The following ORC2 variants were observed in gnomAD, a reference collection of about 807,000 sequenced individuals.
The protein encoded by ORC2 is origin recognition complex subunit 2.
Under a neutral mutation model 77.7 loss-of-function variants are expected in ORC2, and 37 were observed. That is an observed-to-expected ratio of 0.48 (90% confidence interval 0.37 to 0.63). The LOEUF (loss-of-function observed/expected upper bound fraction) is 0.63, where lower values mean the gene tolerates loss of function less well. ORC2 is among the 20% of genes least tolerant of loss of function. The probability of loss-of-function intolerance (pLI) is 0.00; values close to 1 mark genes in which losing one functional copy is unlikely to be tolerated. For synonymous variants in ORC2, 201 were observed against 229.5 expected (o/e 0.88, Z 1.12); for missense variants, 557 against 661.9 (o/e 0.84, Z 1.74).
At chr2:200,945,926 T>C (rs2041242197) in intron 5 of ORC2, among the ~76,000 whole-genome samples, 1 of 152,178 alleles carries the variant, frequency 6.6e-6, no homozygotes, top group Non-Finnish European at 1.5e-5. Context: ...TATCTAGTAG[T>C]GGGATTGCTG....
chr2:200,958,574 C>T (rs2041515066), intron 2 of ORC2, among the ~76,000 whole-genome samples: 1 of 152,130 alleles, frequency 6.6e-6, no homozygotes, highest in Non-Finnish European at 1.5e-5. Context: ...AAGCTACAGT[C>T]AATTGTGGGG....
chr2:200,920,701 A>G (rs548681571), intron 14 of ORC2, among the ~76,000 whole-genome samples: 1 of 152,348 alleles, frequency 6.6e-6, no homozygotes, highest in South Asian at 2.1e-4. Flanking sequence ...AATTAAGTTC[A>G]TAAAATAAAT....
Position 200,910,015 on chromosome 2 carries a change from G to C in ORC2, c.*1286C>G, listed in dbSNP as rs2040523840. 1 of 152,068 alleles carries C rather than the reference G, an allele frequency of 6.6e-6. No homozygotes were observed. Among genetic ancestry groups the C allele is most frequent in the Non-Finnish European group, 1.5e-5 (1 of 68,022 alleles). 9.4% of individuals were successfully genotyped at this position (152,068 alleles called of 1,614,324 possible). On this transcript the variant is annotated 3_prime_UTR_variant, in exon 18 of 18. Coordinates refer to ENST00000234296, the MANE Select transcript of ORC2 (RefSeq NM_006190.5). Reference sequence around the variant, plus strand: ...TGGGCTCCAGAGATCCTCCTGCCTTGGCCTCCCAAAGTGTTGTGATTACAG... The same window carrying C: ...TGGGCTCCAGAGATCCTCCTGCCTTCGCCTCCCAAAGTGTTGTGATTACAG...
chr2:200,933,471 C>G (rs905489205), intron 10 of ORC2, among the ~76,000 whole-genome samples: 11 of 152,096 alleles, frequency 7.2e-5, no homozygotes, highest in Non-Finnish European at 1.2e-4. Flanking sequence ...TATCAAGGAA[C>G]TATGACCCTG....
intron 15 of ORC2, among the ~76,000 whole-genome samples, chr2:200,919,531 G>C (rs2040720138): frequency 6.6e-6 from 1 of 152,108 alleles, no homozygotes; most frequent in African/African-American, 2.4e-5. Flanking sequence ...GCTAATTTTT[G>C]TATTTTTGGT....
chr2:200,937,994 TA>T, intron 7 of ORC2, 28 bp from the exon 8 acceptor site: 3 of 1,496,406 alleles, frequency 2.0e-6, no homozygotes, highest in Non-Finnish European at 2.8e-6. Flanking sequence ...AAGCATTAAA[TA>T]ATAACATGGA....
chr2:200,942,864 T>G (rs1185222296), intron 5 of ORC2, 87 bp from the exon 6 acceptor site: 9 of 669,148 alleles, frequency 1.3e-5, no homozygotes, highest in Non-Finnish European at 2.2e-5. Flanking sequence ...CAAAAATTCT[T>G]TAAAAACCTC....
At position 200,922,136 on chromosome 2, in the gene ORC2, A is replaced by C. The variant is rs542502180; in HGVS notation, c.1148-997T>G. Among the ~76,000 whole-genome samples, 11 of 115,688 alleles carry C rather than the reference A, an allele frequency of 9.5e-5. No individual in the cohort carries two copies. The East Asian group carries it at 3.1e-3, about 33-fold the overall frequency. The allele number at this position is 115,688 out of a possible 152,430, so 75.9% of individuals were successfully genotyped here. Reference sequence around the variant, plus strand: ...ATTATCACAAAAGCCAAAGGAGACCAAAAAAGGAGTGGGTGGGGGGTGGGG... The same window carrying C: ...ATTATCACAAAAGCCAAAGGAGACCCAAAAAGGAGTGGGTGGGGGGTGGGG... On this transcript the variant is annotated intron_variant, in intron 13 of 17. Coordinates refer to ENST00000234296, the MANE Select transcript of ORC2 (RefSeq NM_006190.5).
intron 5 of ORC2, among the ~76,000 whole-genome samples, chr2:200,944,762 A>G (rs2041221621): frequency 6.6e-6 from 1 of 151,802 alleles, no homozygotes; most frequent in South Asian, 2.1e-4. Flanking sequence ...CTGGTTTCAA[A>G]CTCCTGGCCT....
At chr2:200,948,636 C>T (rs895668782) in intron 5 of ORC2, among the ~76,000 whole-genome samples, 3 of 152,060 alleles carry the variant, frequency 2.0e-5, no homozygotes, top group African/African-American at 7.2e-5. Context: ...AATCTCGGCT[C>T]ACTGCAACCT....
At chr2:200,915,727 G>A (rs1302536616) in intron 15 of ORC2, among the ~76,000 whole-genome samples, 2 of 151,146 alleles carry the variant, frequency 1.3e-5, no homozygotes, top group Non-Finnish European at 2.9e-5. Context: ...ACAGAATCTC[G>A]CTGTTGCCCA....
At chr2:200,932,541 T>C (rs1010533892) in intron 10 of ORC2, among the ~76,000 whole-genome samples, 1 of 152,070 alleles carries the variant, frequency 6.6e-6, no homozygotes, top group Non-Finnish European at 1.5e-5. Flanking sequence ...GGTTTCACCA[T>C]GTTGGGCAGG....
chr2:200,931,301 T>C lies in ORC2; in HGVS notation c.917+38A>G, dbSNP rs751896356. 3 of 854,492 alleles carry C rather than the reference T, an allele frequency of 3.5e-6. No individual in the cohort carries two copies. The Admixed American group carries it at 8.8e-5, about 25-fold the overall frequency. The allele number at this position is 854,492 out of a possible 1,614,324, so 52.9% of individuals were successfully genotyped here. On this transcript the variant is annotated intron_variant, in intron 11 of 17. Transcript: ENST00000234296. ...AACATAAAGATTCATGTAAATATTA[T>C]TCTTTATTTTACAAGGGTTTGTAAT...
intron 12 of ORC2, among the ~76,000 whole-genome samples, 164 bp from the exon 13 acceptor site, chr2:200,926,096 A>G (rs1170510598): frequency 6.6e-6 from 1 of 152,196 alleles, no homozygotes; most frequent in Non-Finnish European, 1.5e-5. Flanking sequence ...TATCTAATTC[A>G]TTGTTTTTTG....
In ORC2 at chr2:200,933,869, A is replaced by G; in HGVS notation, c.807+7T>C. ...AAAATTTAGAAGTAACATTCCTTGT[A>G]ACATACCTGATCCAGTTTAGCTCTC... On this transcript the variant is annotated splice_region_variant and intron_variant, in intron 10 of 17. Transcript: ENST00000234296. The G allele has an allele frequency of 1.3e-6, 2 of 1,556,946 alleles. No individual in the cohort carries two copies. The highest frequency in any genetic ancestry group is 8.8e-7 in the Non-Finnish European group (1 of 1,139,080).
At chr2:200,941,991 G>A (rs2125002774) in intron 6 of ORC2, among the ~76,000 whole-genome samples, 1 of 150,438 alleles carries the variant, frequency 6.6e-6, no homozygotes, top group South Asian at 2.1e-4. Flanking sequence ...TGAAAAGCGA[G>A]ACTCCTTCTC....
At position 200,926,825 on chromosome 2, in the gene ORC2, C is replaced by G. The variant is rs150174969; in HGVS notation, c.993G>C (p.Leu331=). The G allele has an allele frequency of 4.3e-6, 7 of 1,613,800 alleles. No individual in the cohort carries two copies. Among genetic ancestry groups the G allele is most frequent in the Non-Finnish European group, 5.9e-6 (7 of 1,179,722 alleles). ...TGATGACAACGTGAATGGAATCTTGCAGCATAGTGGTTCGAAACCTTTCTA... is the reference window on the plus strand; with the variant it reads ...TGATGACAACGTGAATGGAATCTTGGAGCATAGTGGTTCGAAACCTTTCTA... The part of the protein sequence containing the change: ...DLLERFRTTM[L]QDSIHVVING... Residue 331 remains leucine, a synonymous_variant, in exon 12 of 18, where the codon CTG becomes CTC. Transcript: ENST00000234296.
chr2:200,941,303 T>C, intron 6 of ORC2, 24 bp from the exon 7 acceptor site: 1 of 1,605,030 alleles, frequency 6.2e-7, no homozygotes, highest in Non-Finnish European at 8.5e-7. Context: ...CAAAAAGCCA[T>C]GACTTACTAC....
intron 12 of ORC2, among the ~76,000 whole-genome samples, chr2:200,926,242 A>T (rs2040837074): frequency 6.6e-6 from 1 of 152,196 alleles, no homozygotes; most frequent in East Asian, 1.9e-4. Context: ...GTTCTATCAA[A>T]GGAAACAGGA....
Sources: gnomAD v4.1 joint callset for allele counts (sites outside exome capture counted in the v4.1 genomes callset) on GRCh38, gnomAD v4.1.1 for gene constraint, MANE v1.5 for transcripts, NCBI Gene and HGNC (gene_info 2026-07-23, HGNC 2026-07-21) for gene names.